Variants in TOR3A observed in about 807,000 individuals in gnomAD.
The protein encoded by TOR3A is torsin family 3 member A.
In TOR3A, 44 loss-of-function variants were observed where a neutral mutation model predicts 42.1. The ratio of observed to expected loss-of-function variants is 1.04; its 90% CI spans 0.82 to 1.34. TOR3A has a LOEUF of 1.34. Ranked by LOEUF, TOR3A falls within the 40% of genes most tolerant of loss-of-function variation. The pLI, the probability that TOR3A is intolerant of heterozygous loss-of-function variation, is 0.00. For missense variants in TOR3A, 521 were observed against 507.6 expected (o/e 1.03, Z -0.25); for synonymous variants, 227 against 213.2 (o/e 1.06, Z -0.57).
chr1:179,085,985 G>C, intron 3 of TOR3A, 92 bp downstream of exon 3: 1 of 1,503,364 alleles, frequency 6.7e-7, no homozygotes, highest in Non-Finnish European at 8.9e-7. Flanking sequence ...CTCTGGAGAA[G>C]CCTGGGGAGG....
intron 3 of TOR3A, 78 bp downstream of exon 3, chr1:179,085,971 T>C: frequency 6.5e-7 from 1 of 1,546,886 alleles, no homozygotes. Flanking sequence ...TGCAAGGAAA[T>C]GGGCTCTGGA....
At chr1:179,086,665 CA>C (rs149541470) in intron 3 of TOR3A, among the ~76,000 whole-genome samples, 16,949 of 123,538 alleles carry the variant, frequency 0.14, 966 homozygotes, top group Non-Finnish European at 0.15. Flanking sequence ...GACTCCATCT[CA>C]AAAAAAAAAA....
At position 179,095,415 on chromosome 1, in the gene TOR3A, A is replaced by AC; in HGVS notation, c.*197_*198insC. The AC allele has an allele frequency of 7.4e-7, 1 of 1,355,570 alleles. No homozygotes were observed. Among genetic ancestry groups the AC allele is most frequent in the Non-Finnish European group, 9.5e-7 (1 of 1,055,588 alleles). The allele number at this position is 1,355,570 out of a possible 1,614,324, so 84.0% of individuals were successfully genotyped here. On this transcript the variant is annotated 3_prime_UTR_variant, in exon 6 of 6. Transcript: ENST00000367627. ...AGCCAATCCTTTTTCTTTTTTTTGG[A>AC]GGTCCCACCGAGATAGATAGGAACT...
At position 179,082,990 on chromosome 1, in the gene TOR3A, T is replaced by A; in HGVS notation, c.310T>A (p.Trp104Arg). Residue 104 changes from tryptophan to arginine, a missense_variant, in exon 2 of 6, where the codon TGG (tryptophan) becomes AGG (arginine). Coordinates refer to ENST00000367627, the MANE Select transcript of TOR3A (RefSeq NM_022371.4). The stretch of plus-strand genomic sequence containing the variant: ...GCGGTACCTGGACCTCCTGACCACG[T>A]GGTACTGCAGCTTCAAAGACTGCTG... The part of the protein sequence containing the change: ...GQRYLDLLTT[W>R]YCSFKDCCPR... 2 of 1,591,894 alleles carry A rather than the reference T, an allele frequency of 1.3e-6. No individual in the cohort carries two copies. The highest frequency in any genetic ancestry group is 8.5e-7 in the Non-Finnish European group (1 of 1,169,818).
chr1:179,086,119 C>T (rs574235070), intron 3 of TOR3A, among the ~76,000 whole-genome samples: 2 of 152,310 alleles, frequency 1.3e-5, no homozygotes, highest in African/African-American at 2.4e-5. Context: ...CAGCCACACT[C>T]GAGAGGCTGG....
At position 179,082,121 on chromosome 1, in the gene TOR3A, G is replaced by A. The variant is rs776743917; in HGVS notation, c.-8G>A. Reference sequence around the variant, plus strand: ...GCAGCCGGATGGTCCCGCAGCTCGGGGCCGGCCATGCTTCGCGGTCCGTGG... The same window carrying A: ...GCAGCCGGATGGTCCCGCAGCTCGGAGCCGGCCATGCTTCGCGGTCCGTGG... On this transcript the variant is annotated 5_prime_UTR_variant, in exon 1 of 6. Transcript: ENST00000367627. 3.1e-5 allele frequency: 46 copies of A among 1,481,988 alleles called. No homozygotes were observed. Among genetic ancestry groups the A allele is most frequent in the Non-Finnish European group, 3.9e-5 (44 of 1,127,698 alleles). 91.8% of individuals were successfully genotyped at this position (1,481,988 alleles called of 1,614,324 possible).
In TOR3A at chr1:179,089,951, G is replaced by A. The variant is rs931333457; in HGVS notation, c.818+1862G>A. On this transcript the variant is annotated intron_variant, in intron 4 of 5. Coordinates refer to ENST00000367627, the MANE Select transcript of TOR3A (RefSeq NM_022371.4). ...GGAAAACCTCACCTGGGCCGTGATT[G>A]CCTAACGTGACCCGGTGACCCTGCA... Among the ~76,000 whole-genome samples the A allele has an allele frequency of 1.4e-4, 22 of 152,276 alleles. 2 individuals are homozygous for A. The highest frequency in any genetic ancestry group is 5.2e-4 in the Admixed American group (8 of 15,308).
At position 179,087,794 on chromosome 1, in the gene TOR3A, G is replaced by C. The variant is rs559748341; in HGVS notation, c.640-117G>C. ...TTTGATAGGTTCTGGCGGGGGGCGG[G>C]GGGTGGGGAACCCAGCCCCAGGGGG... On this transcript the variant is annotated intron_variant, in intron 3 of 5. Coordinates refer to ENST00000367627, the MANE Select transcript of TOR3A (RefSeq NM_022371.4). 447 of 924,230 alleles carry C rather than the reference G, an allele frequency of 4.8e-4. 1 individual carries two copies. In the African/African-American group the frequency reaches 7.0e-3, roughly 14 times the overall value. 57.3% of individuals were successfully genotyped at this position (924,230 alleles called of 1,614,324 possible). A position where few individuals can be genotyped will look rare whatever the true frequency, so the allele number is the denominator to read the frequency against.
In TOR3A at chr1:179,094,715, G is replaced by GA. The variant is rs1005291763; in HGVS notation, c.944-245dup. 2.2e-4 allele frequency among the ~76,000 whole-genome samples: 34 copies of GA among 151,690 alleles called. No homozygotes were observed. The South Asian group carries it at 4.8e-3, about 21-fold the overall frequency. On this transcript the variant is annotated intron_variant, in intron 5 of 5. Transcript: ENST00000367627. ...CCAACATAGTGAAACCCCGTCTCTA[G>GA]AAAAAAAACAAAAATTAGCCAGGTG...
chr1:179,089,321 CAAAA>C (rs11311033), intron 4 of TOR3A, among the ~76,000 whole-genome samples: 3 of 130,774 alleles, frequency 2.3e-5, no homozygotes, highest in Non-Finnish European at 5.0e-5. Context: ...GACTCCATCT[CAAAA>C]AAAAAAAAAA....
rs1409697249 is a variant in TOR3A, at chr1:179,082,742, C to G, written c.260-198C>G. The G allele has an allele frequency of 1.6e-5, 11 of 704,296 alleles. No individual in the cohort carries two copies. The East Asian group carries it at 3.0e-4, about 19-fold the overall frequency. 43.6% of individuals were successfully genotyped at this position (704,296 alleles called of 1,614,324 possible). A position where few individuals can be genotyped will look rare whatever the true frequency, so the allele number is the denominator to read the frequency against. ...AGCTCTAGGGAACGTCCGCTGTGGA[C>G]ATGCCTGGTGACTGCCGTCTCCCTT... On this transcript the variant is annotated intron_variant, in intron 1 of 5. Transcript: ENST00000367627.
intron 3 of TOR3A, among the ~76,000 whole-genome samples, chr1:179,086,168 G>A (rs1489092957): frequency 6.6e-6 from 1 of 152,230 alleles, no homozygotes; most frequent in Non-Finnish European, 1.5e-5. Context: ...GTTGATTTTT[G>A]TTGTAGAAGT....
intron 2 of TOR3A, among the ~76,000 whole-genome samples, chr1:179,083,376 A>G (rs1422770151): frequency 6.6e-6 from 1 of 150,934 alleles, no homozygotes; most frequent in Non-Finnish European, 1.5e-5. Flanking sequence ...CTGGGTTGTG[A>G]TTAAAAGTGT....
chr1:179,089,796 G>C (rs1045760709), intron 4 of TOR3A, among the ~76,000 whole-genome samples: 1 of 152,058 alleles, frequency 6.6e-6, no homozygotes, highest in East Asian at 1.9e-4. Context: ...ACCCAGCCTC[G>C]GGCCTCCCTT....
chr1:179,090,377 G>A (rs988074430), intron 4 of TOR3A, among the ~76,000 whole-genome samples: 6 of 152,354 alleles, frequency 3.9e-5, no homozygotes, highest in East Asian at 3.9e-4. Context: ...GTAGTCCAGC[G>A]ATGGCTGGGA....
Position 179,085,901 on chromosome 1 carries a change from C to T in TOR3A, c.639+8C>T, listed in dbSNP as rs570213208. The T allele has an allele frequency of 9.3e-6, 15 of 1,612,088 alleles. No individual in the cohort carries two copies. In the Admixed American group the frequency reaches 1.0e-4, roughly 11 times the overall value. On this transcript the variant is annotated splice_region_variant and intron_variant, in intron 3 of 5. Transcript: ENST00000367627. ...TATGTGGACCTGTACAAGGTGAGGC[C>T]GACCAGGGCTGGGGTGAGGCCTCTG...
Position 179,082,359 on chromosome 1 carries a change from G to C in TOR3A, c.231G>C (p.Glu77Asp), listed in dbSNP as rs1269466162. The part of the protein sequence containing the change: ...SCQVWPDDCD[E>D]DEEAATGPLG... ...AGGTGTGGCCCGACGACTGTGACGA[G>C]GACGAGGAGGCAGCCACGGGGCCCC... is the stretch of plus-strand genomic sequence containing the variant. Residue 77 changes from glutamate to aspartate, a missense_variant, in exon 1 of 6, where the codon GAG becomes GAC. By Grantham distance (45) the Glu-to-Asp change is conservative. Coordinates refer to ENST00000367627, the MANE Select transcript of TOR3A (RefSeq NM_022371.4). 1.9e-6 allele frequency: 3 copies of C among 1,606,634 alleles called. No individual in the cohort carries two copies. In the Admixed American group the frequency reaches 5.0e-5, roughly 27 times the overall value.
intron 3 of TOR3A, among the ~76,000 whole-genome samples, chr1:179,086,811 C>T (rs552829208): frequency 3.9e-5 from 6 of 152,280 alleles, no homozygotes; most frequent in Admixed American, 3.3e-4. Flanking sequence ...TCTACTAATT[C>T]AGCCATGTAG....
chr1:179,087,862 AG>A, intron 3 of TOR3A, 48 bp from the exon 4 acceptor site: 2 of 1,494,184 alleles, frequency 1.3e-6, no homozygotes, highest in Non-Finnish European at 1.8e-6. Context: ...TCAAGGCCGG[AG>A]GTGGAAGGAG....
Sources: allele counts gnomAD v4.1 joint callset (sites outside exome capture counted in the v4.1 genomes callset), GRCh38; gene constraint gnomAD v4.1.1; transcripts MANE v1.5; gene names NCBI Gene and HGNC (gene_info 2026-07-23, HGNC 2026-07-21).